The following ADAMTS16 variants were observed in gnomAD, a reference collection of about 807,000 sequenced individuals.
ADAMTS16 encodes ADAM metallopeptidase with thrombospondin type 1 motif 16, also known as A disintegrin and metalloproteinase with thrombospondin motifs 16.
In ADAMTS16, 94 loss-of-function variants were observed where a neutral mutation model predicts 145.8. The ratio of observed to expected loss-of-function variants is 0.64; its 90% confidence interval spans 0.55 to 0.77. The LOEUF (loss-of-function observed/expected upper bound fraction) is 0.77. Ranked by LOEUF, ADAMTS16 falls within the 30% of genes least tolerant of loss-of-function variation. ADAMTS16 has a pLI of 0.00. For missense variants in ADAMTS16, 1,585 were observed against 1,591.5 expected (o/e 1.00, Z 0.07); for synonymous variants, 659 against 604.3 (o/e 1.09, Z -1.33).
intron 18 of ADAMTS16, among the ~76,000 whole-genome samples, chr5:5,265,594 G>A (rs949000351): frequency 6.6e-6 from 1 of 152,224 alleles, no homozygotes; most frequent in African/African-American, 2.4e-5. Context: ...TCTTAGGGAT[G>A]TAGCCTTGAG....
intron 3 of ADAMTS16, among the ~76,000 whole-genome samples, chr5:5,179,675 C>T (rs772109140): frequency 2.0e-5 from 3 of 152,182 alleles, no homozygotes; most frequent in Admixed American, 6.5e-5. Flanking sequence ...AAGAAGGTTC[C>T]GAAGTAATTC....
At chr5:5,186,777 GT>G (rs1313500471) in intron 5 of ADAMTS16, among the ~76,000 whole-genome samples, 4 of 152,204 alleles carry the variant, frequency 2.6e-5, no homozygotes, top group Non-Finnish European at 5.9e-5. Context: ...TCACTGAAGA[GT>G]GATGAGAGGT....
At chr5:5,232,638 C>CT in intron 12 of ADAMTS16, 122 bp downstream of exon 12, 1 of 1,254,624 alleles carries the variant, frequency 8.0e-7, no homozygotes, top group Non-Finnish European at 1.1e-6. Context: ...GAGTCTCGCT[C>CT]TGTCACCCAG....
rs912071955 is a variant in ADAMTS16, at chr5:5,140,389, G to C, written c.-79G>C. The C allele has an allele frequency of 1.3e-5, 18 of 1,385,524 alleles. No individual in the cohort carries two copies. The highest frequency in any genetic ancestry group is 2.8e-5 in the Admixed American group (1 of 35,946). 85.8% of individuals were successfully genotyped at this position (1,385,524 alleles called of 1,614,324 possible). On this transcript the variant is annotated 5_prime_UTR_variant, in exon 1 of 23. Coordinates refer to ENST00000274181, the MANE Select transcript of ADAMTS16 (RefSeq NM_139056.4). ...GGGGAATCCTCCCGCGCTCTGCCTG[G>C]GTCGGGTCCTCCCTGCCCGCTCGCA...
chr5:5,207,640 C>A (rs762622979), intron 9 of ADAMTS16, among the ~76,000 whole-genome samples: 1 of 151,444 alleles, frequency 6.6e-6, no homozygotes, highest in African/African-American at 2.4e-5. Context: ...CTTTAAGTTT[C>A]GCACCATTAA....
intron 16 of ADAMTS16, among the ~76,000 whole-genome samples, chr5:5,241,433 C>T (rs1367770720): frequency 6.6e-6 from 1 of 152,198 alleles, no homozygotes; most frequent in Non-Finnish European, 1.5e-5. Flanking sequence ...TTAATGGGTA[C>T]CTGCCCGTAG....
chr5:5,222,538 A>T (rs1736636845), intron 10 of ADAMTS16, among the ~76,000 whole-genome samples: 1 of 152,174 alleles, frequency 6.6e-6, no homozygotes, highest in Non-Finnish European at 1.5e-5. Context: ...TAATTTAGAA[A>T]ATATAATTTT....
At chr5:5,176,669 T>C (rs1045319541) in intron 3 of ADAMTS16, among the ~76,000 whole-genome samples, 1 of 152,166 alleles carries the variant, frequency 6.6e-6, no homozygotes, top group Non-Finnish European at 1.5e-5. Flanking sequence ...TGGTTTTGAG[T>C]AAATCCACAG....
intron 18 of ADAMTS16, among the ~76,000 whole-genome samples, chr5:5,294,808 G>A (rs1258894828): frequency 6.6e-6 from 1 of 152,154 alleles, no homozygotes; most frequent in Non-Finnish European, 1.5e-5. Flanking sequence ...AGGATGACAG[G>A]AAGGGCAGGT....
At chr5:5,158,473 T>G (rs1734658377) in intron 3 of ADAMTS16, among the ~76,000 whole-genome samples, 1 of 150,222 alleles carries the variant, frequency 6.7e-6, no homozygotes, top group Admixed American at 6.7e-5. Flanking sequence ...AAACTGGACC[T>G]AAGTTGCATT....
At chr5:5,145,407 G>A (rs183038144) in intron 2 of ADAMTS16, among the ~76,000 whole-genome samples, 184 of 152,258 alleles carry the variant, frequency 1.2e-3, no homozygotes, top group African/African-American at 3.7e-3. Context: ...GGGCTGCTGC[G>A]TATCTCTGTG....
chr5:5,234,869 CAAAA>C (rs1553993127), intron 12 of ADAMTS16, 141 bp from the exon 13 acceptor site: 174 of 56,190 alleles, frequency 3.1e-3, no homozygotes, highest in East Asian at 5.2e-3. Context: ...GACTCCATCT[CAAAA>C]AAAAAAAAAA....
At chr5:5,303,816 G>A (rs1161128023) in intron 20 of ADAMTS16, 50 bp downstream of exon 20, 4 of 1,583,604 alleles carry the variant, frequency 2.5e-6, no homozygotes, top group Non-Finnish European at 2.6e-6. Context: ...CTCCCCTCGG[G>A]ACTGCCTCTT....
intron 11 of ADAMTS16, among the ~76,000 whole-genome samples, chr5:5,228,018 A>G (rs1736818222): frequency 1.3e-5 from 2 of 152,266 alleles, no homozygotes; most frequent in Non-Finnish European, 2.9e-5. Context: ...GCTGTCATTT[A>G]TCAAAGAAAA....
rs372852331 is a variant in ADAMTS16 at position 5,178,818 on chromosome 5, G to A, written c.502-3226G>A. ...ATGGTTCTGAATCTGAAACAGCTGT[G>A]TTGGATCACAAGCGTGTAGGCCAGG... is the stretch of plus-strand genomic sequence containing the variant. On this transcript the variant is annotated intron_variant, in intron 3 of 22. Transcript: ENST00000274181. Among the ~76,000 whole-genome samples the A allele has an allele frequency of 2.6e-5, 4 of 152,184 alleles. No homozygotes were observed. In the East Asian group the frequency reaches 5.8e-4, roughly 22 times the overall value.
intron 17 of ADAMTS16, among the ~76,000 whole-genome samples, chr5:5,260,042 T>A (rs900544328): frequency 6.6e-6 from 1 of 152,222 alleles, no homozygotes; most frequent in African/African-American, 2.4e-5. Context: ...ATCTACAGAC[T>A]TACCAGAGTG....
intron 18 of ADAMTS16, among the ~76,000 whole-genome samples, chr5:5,268,006 A>C (rs1187403047): frequency 6.6e-6 from 1 of 152,188 alleles, no homozygotes; most frequent in Non-Finnish European, 1.5e-5. Flanking sequence ...AGGAAGAGAC[A>C]CTTCAGGCTT....
chr5:5,270,814 G>A (rs1738439473), intron 18 of ADAMTS16, among the ~76,000 whole-genome samples: 1 of 152,160 alleles, frequency 6.6e-6, no homozygotes, highest in Non-Finnish European at 1.5e-5. Flanking sequence ...CTCTGAGGAT[G>A]GAGTGTGCAT....
intron 17 of ADAMTS16, among the ~76,000 whole-genome samples, chr5:5,242,397 G>A (rs2126392459): frequency 6.6e-6 from 1 of 152,286 alleles, no homozygotes; most frequent in Admixed American, 6.5e-5. Flanking sequence ...TTCAGTGTGT[G>A]ACTCTGAGGA....
Sources: allele counts gnomAD v4.1 joint callset (sites outside exome capture counted in the v4.1 genomes callset), GRCh38; gene constraint gnomAD v4.1.1; transcripts MANE v1.5; gene names NCBI Gene and HGNC (gene_info 2026-07-23, HGNC 2026-07-21).